Variants in VTI1A observed in about 807,000 individuals in gnomAD.
VTI1A encodes vesicle transport through interaction with t-SNAREs homolog 1A.
VTI1A carries 22 observed loss-of-function variants against 34.9 expected under a neutral mutation model. The ratio of observed to expected loss-of-function variants is 0.63; its 90% CI spans 0.45 to 0.90. VTI1A has a LOEUF of 0.90. Among genes scored for constraint, VTI1A ranks in the 40% least tolerant of loss-of-function variants. The pLI is 0.00. For missense variants in VTI1A, 268 were observed against 275.6 expected, an observed-to-expected ratio of 0.97 and a Z score of 0.20; for synonymous variants, 87 against 97.3, an observed-to-expected ratio of 0.89 and a Z score of 0.62.
At chr10:112,471,367 A>ATTTTTTTTTTTTTTTTTT (rs576549183) in intron 3 of VTI1A, among the ~76,000 whole-genome samples, 5 of 94,394 alleles carry the variant, frequency 5.3e-5, no homozygotes, top group African/African-American at 8.6e-5. Flanking sequence ...ATTCTTATTG[A>ATTTTTTTTTTTTTTTTTT]TTTTTTTTTT....
At chr10:112,626,073 T>C (rs1202078761) in intron 5 of VTI1A, among the ~76,000 whole-genome samples, 1 of 151,836 alleles carries the variant, frequency 6.6e-6, no homozygotes, top group Non-Finnish European at 1.5e-5. Flanking sequence ...ACTGCATCCT[T>C]TTTTTTTGTA....
At chr10:112,514,951 G>C (rs1219414460) in intron 3 of VTI1A, among the ~76,000 whole-genome samples, 1 of 151,928 alleles carries the variant, frequency 6.6e-6, no homozygotes, top group Admixed American at 6.6e-5. Flanking sequence ...AACGTGTAAT[G>C]CTACAGGTTT....
the VTI1A span, chr10:112,826,695 G>A: frequency 2.6e-5 from 4 of 152,112 alleles, no homozygotes; most frequent in Non-Finnish European, 5.9e-5. Flanking sequence ...TTTTGGGAAA[G>A]GAAAATATCC....
intron 3 of VTI1A, among the ~76,000 whole-genome samples, chr10:112,498,983 A>G (rs1849126335): frequency 6.6e-6 from 1 of 152,190 alleles, no homozygotes. Context: ...GGTTGGTACC[A>G]TCAATCATTC....
chr10:112,536,899 C>G (rs1454393294), intron 4 of VTI1A, among the ~76,000 whole-genome samples: 5 of 152,002 alleles, frequency 3.3e-5, no homozygotes, highest in African/African-American at 1.2e-4. Context: ...CTAATCACTT[C>G]CTTTCTTTGA....
chr10:112,668,842 T>G, intron 6 of VTI1A, 95 bp from the exon 7 acceptor site: 3 of 1,313,154 alleles, frequency 2.3e-6, no homozygotes, highest in Non-Finnish European at 3.2e-6. Context: ...TTTTATTGTT[T>G]GGATTTTCTA....
intron 3 of VTI1A, among the ~76,000 whole-genome samples, chr10:112,478,710 T>C (rs1366672106): frequency 1.3e-5 from 2 of 152,172 alleles, no homozygotes; most frequent in Admixed American, 1.3e-4. Flanking sequence ...AGAAATATGA[T>C]ATTACATATT....
intron 7 of VTI1A, among the ~76,000 whole-genome samples, chr10:112,809,557 A>G (rs1590205344): frequency 1.3e-5 from 2 of 152,284 alleles, no homozygotes; most frequent in East Asian, 3.9e-4. Flanking sequence ...TCTCCAGCTA[A>G]TGAACACAGG....
chr10:112,820,129 G>T (rs1055773562), downstream of VTI1A, among the ~76,000 whole-genome samples: 37 of 152,226 alleles, frequency 2.4e-4, no homozygotes, highest in Non-Finnish European at 4.4e-5. Flanking sequence ...TATGGGCGTA[G>T]GAACAGCAGA....
intron 4 of VTI1A, among the ~76,000 whole-genome samples, chr10:112,536,536 C>G (rs1403794407): frequency 9.9e-5 from 15 of 151,892 alleles, no homozygotes; most frequent in Non-Finnish European, 1.9e-4. Flanking sequence ...AGTGATTTTG[C>G]TTTTTAATGA....
At chr10:112,637,784 A>G (rs1373858393) in intron 5 of VTI1A, among the ~76,000 whole-genome samples, 1 of 152,264 alleles carries the variant, frequency 6.6e-6, no homozygotes, top group Non-Finnish European at 1.5e-5. Flanking sequence ...TGTACTGTAC[A>G]TCCCATAAAG....
intron 5 of VTI1A, among the ~76,000 whole-genome samples, chr10:112,576,019 C>CTTTT (rs760363890): frequency 1.1e-4 from 15 of 131,302 alleles, no homozygotes; most frequent in Non-Finnish European, 1.5e-4. Context: ...CTTTTCTTTT[C>CTTTT]TTTTTTTTTT....
chr10:112,774,822 T>A (rs1276244096), intron 7 of VTI1A, among the ~76,000 whole-genome samples: 2 of 152,182 alleles, frequency 1.3e-5, no homozygotes, highest in Non-Finnish European at 2.9e-5. Context: ...TTCGTGTGTG[T>A]GCACGGAGAA....
chr10:112,750,728 C>T (rs916450299), intron 7 of VTI1A, among the ~76,000 whole-genome samples: 12 of 152,176 alleles, frequency 7.9e-5, no homozygotes, highest in Non-Finnish European at 1.5e-4. Flanking sequence ...AGTCATCCCT[C>T]ATTTATTTTT....
intron 7 of VTI1A, among the ~76,000 whole-genome samples, chr10:112,721,424 A>G (rs144428089): frequency 1.0e-3 from 157 of 152,368 alleles, no homozygotes; most frequent in African/African-American, 3.7e-3. Flanking sequence ...CACCAATAAC[A>G]GAACAACTTA....
intron 7 of VTI1A, among the ~76,000 whole-genome samples, chr10:112,682,084 T>A: frequency 6.6e-6 from 1 of 152,172 alleles, no homozygotes; most frequent in East Asian, 1.9e-4. Context: ...GCCAAGCTAT[T>A]TATATGGATA....
chr10:112,565,791 G>T (rs1851887631), intron 5 of VTI1A, among the ~76,000 whole-genome samples: 1 of 152,052 alleles, frequency 6.6e-6, no homozygotes, highest in African/African-American at 2.4e-5. Flanking sequence ...TAACAAAAAA[G>T]AACATATTTT....
intron 3 of VTI1A, among the ~76,000 whole-genome samples, chr10:112,473,004 CT>C (rs1354978364): frequency 6.6e-6 from 1 of 150,834 alleles, no homozygotes; most frequent in Non-Finnish European, 1.5e-5. Context: ...ACCAGTAGCC[CT>C]ATTTTTGATT....
At chr10:112,676,911 T>C (rs997743566) in intron 7 of VTI1A, among the ~76,000 whole-genome samples, 6 of 152,186 alleles carry the variant, frequency 3.9e-5, no homozygotes, top group Non-Finnish European at 8.8e-5. Flanking sequence ...GCATCTCAGA[T>C]CACTTATGGA....
Sources: gnomAD v4.1 joint callset for allele counts (sites outside exome capture counted in the v4.1 genomes callset) on GRCh38, gnomAD v4.1.1 for gene constraint, MANE v1.5 for transcripts, NCBI Gene and HGNC (gene_info 2026-07-23, HGNC 2026-07-21) for gene names.